Variants in HIVEP1 observed in about 807,000 individuals in gnomAD.
HIVEP1 encodes the protein zinc finger protein 40.
A neutral mutation model predicts 180.0 loss-of-function variants in HIVEP1; 36 were observed. The observed-to-expected ratio is 0.20, with a 90% CI of 0.15 to 0.26. HIVEP1 has a LOEUF of 0.26. HIVEP1 is among the 10% of genes least tolerant of loss of function. HIVEP1 has a pLI of 1.00. For missense variants in HIVEP1, 3,143 were observed against 3,268.7 expected (o/e 0.96, Z 0.94); for synonymous variants, 1,239 against 1,239.0 (o/e 1.00, Z 0.00).
chr6:12,170,415 G>A, the HIVEP1 span, among the ~76,000 whole-genome samples: 4 of 152,148 alleles, frequency 2.6e-5, no homozygotes, highest in Non-Finnish European at 4.4e-5. Context: ...AGGAGAATCC[G>A]TATTTATCCC....
At chr6:12,191,476 C>T in the HIVEP1 span, among the ~76,000 whole-genome samples, 1 of 152,106 alleles carries the variant, frequency 6.6e-6, no homozygotes, top group Non-Finnish European at 1.5e-5. Flanking sequence ...TGCCTGTAGT[C>T]CCAACTACTC....
At chr6:12,137,140 T>C (rs1038488465) in intron 7 of HIVEP1, among the ~76,000 whole-genome samples, 2 of 152,210 alleles carry the variant, frequency 1.3e-5, no homozygotes, top group African/African-American at 4.8e-5. Flanking sequence ...TACAGAGCAA[T>C]TCAGTTGTAA....
chr6:12,015,964 AAG>A (rs552559084), intron 2 of HIVEP1, among the ~76,000 whole-genome samples: 167 of 152,374 alleles, frequency 1.1e-3, no homozygotes, highest in African/African-American at 3.8e-3. Flanking sequence ...TATTTGGGTC[AAG>A]GAATCTGAAA....
rs753396402 is a variant in HIVEP1, at chr6:12,122,915, T to A, written c.3120T>A (p.Asp1040Glu). 6.2e-7 allele frequency: 1 copy of A among 1,614,000 alleles called. No homozygotes were observed. Among genetic ancestry groups the A allele is most frequent in the Non-Finnish European group, 8.5e-7 (1 of 1,179,992 alleles). The change falls in exon 4 of 9, where the codon GAT becomes GAA. Residue 1040 changes from aspartate to glutamate, a missense_variant. Around this residue, in one of 12 missense-constraint regions of HIVEP1, gnomAD observed 1,357 missense variants for 1,260.5 expected, o/e 1.08. Coordinates refer to ENST00000379388, the MANE Select transcript of HIVEP1 (RefSeq NM_002114.4). ...GGAAAATGAAAAGTGTTGGGGATGATGAAGAACTTCAGCAAAATGAAAGTG... is the reference window on the plus strand; with the variant it reads ...GGAAAATGAAAAGTGTTGGGGATGAAGAAGAACTTCAGCAAAATGAAAGTG... Reference protein sequence around the residue: ...KRRKMKSVGDDEELQQNESGT... With the variant: ...KRRKMKSVGDEEELQQNESGT...
At chr6:12,099,890 CATATT>C (rs1179489178) in intron 3 of HIVEP1, among the ~76,000 whole-genome samples, 1 of 152,122 alleles carries the variant, frequency 6.6e-6, no homozygotes, top group Admixed American at 6.5e-5. Context: ...TTTCTTTTGT[CATATT>C]AAATTATCTA....
intron 2 of HIVEP1, among the ~76,000 whole-genome samples, chr6:12,041,039 T>C (rs1769655401): frequency 6.6e-6 from 1 of 152,310 alleles, no homozygotes; most frequent in Middle Eastern, 3.4e-3. Flanking sequence ...GGGACAAATA[T>C]CCAAACTATC....
At chr6:12,175,746 C>A in the HIVEP1 span, among the ~76,000 whole-genome samples, 2 of 152,148 alleles carry the variant, frequency 1.3e-5, no homozygotes, top group African/African-American at 4.8e-5. Flanking sequence ...TCTAAAAGTT[C>A]GAAAATGTGG....
At chr6:12,020,326 C>G in intron 2 of HIVEP1, 1 of 471,140 alleles carries the variant, frequency 2.1e-6, no homozygotes, top group South Asian at 1.5e-5. Context: ...GAGAGCAGCA[C>G]TTGGTGTTCA....
chr6:12,101,476 AC>A (rs1774109416), intron 3 of HIVEP1, among the ~76,000 whole-genome samples: 1 of 152,168 alleles, frequency 6.6e-6, no homozygotes, highest in Non-Finnish European at 1.5e-5. Flanking sequence ...TAATGTTGCC[AC>A]ATCTCACTGG....
chr6:12,041,420 T>TAAA (rs34364704), intron 2 of HIVEP1, among the ~76,000 whole-genome samples: 36 of 52,146 alleles, frequency 6.9e-4, no homozygotes, highest in Middle Eastern at 0.014. Flanking sequence ...AGACTCCGTC[T>TAAA]AAAAAAAAAA....
At position 12,122,847 on chromosome 6, in the gene HIVEP1, T is replaced by C; in HGVS notation, c.3052T>C (p.Ser1018Pro). Residue 1018 changes from serine (S) to proline (P), a missense_variant, in exon 4 of 9, where the codon TCC becomes CCC. This residue lies in a region of HIVEP1 where 1,357 missense variants were observed against 1,260.5 expected (regional missense o/e 1.08). Coordinates refer to ENST00000379388, the MANE Select transcript of HIVEP1 (RefSeq NM_002114.4). ...PQILHYRVAG[S>P]SGIWEQTPQI... ...GATTCTACACTACAGAGTCGCTGGG[T>C]CCTCCGGCATCTGGGAACAGACGCC... is the stretch of plus-strand genomic sequence containing the variant. 1.2e-6 allele frequency: 2 copies of C among 1,613,990 alleles called. No homozygotes were observed. The highest frequency in any genetic ancestry group is 1.7e-6 in the Non-Finnish European group (2 of 1,179,976).
At chr6:12,173,037 C>T in the HIVEP1 span, among the ~76,000 whole-genome samples, 1 of 152,084 alleles carries the variant, frequency 6.6e-6, no homozygotes, top group Non-Finnish European at 1.5e-5. Flanking sequence ...AGTGAAGAAA[C>T]ATTTAACTTA....
intron 3 of HIVEP1, among the ~76,000 whole-genome samples, chr6:12,091,506 A>G (rs1044984421): frequency 6.6e-6 from 1 of 152,106 alleles, no homozygotes; most frequent in Non-Finnish European, 1.5e-5. Context: ...CTAGCATAGT[A>G]GTAGGCTCTT....
At chr6:12,102,635 C>T (rs182367972) in intron 3 of HIVEP1, among the ~76,000 whole-genome samples, 2 of 152,284 alleles carry the variant, frequency 1.3e-5, no homozygotes, top group Non-Finnish European at 1.5e-5. Context: ...AGATAAGTGC[C>T]TCTGGAAATG....
At chr6:12,136,596 A>C (rs770395869) in intron 7 of HIVEP1, among the ~76,000 whole-genome samples, 13 of 152,356 alleles carry the variant, frequency 8.5e-5, no homozygotes, top group Non-Finnish European at 1.5e-4. Flanking sequence ...TGTCATGAGC[A>C]GAGCCAGTGA....
chr6:12,106,963 A>C (rs2113427619), intron 3 of HIVEP1, among the ~76,000 whole-genome samples: 1 of 152,206 alleles, frequency 6.6e-6, no homozygotes. Flanking sequence ...TAACTTTCTA[A>C]ATATTTGGAG....
chr6:12,114,275 A>G (rs550686709), intron 3 of HIVEP1, among the ~76,000 whole-genome samples: 28 of 152,180 alleles, frequency 1.8e-4, no homozygotes, highest in Non-Finnish European at 3.4e-4. Flanking sequence ...TCCTAGTCCC[A>G]GTGACCACCA....
At chr6:12,059,555 C>T (rs1010125417) in intron 2 of HIVEP1, among the ~76,000 whole-genome samples, 1 of 152,164 alleles carries the variant, frequency 6.6e-6, no homozygotes, top group Non-Finnish European at 1.5e-5. Flanking sequence ...ATCTTGACTG[C>T]TTCTTCTGCC....
chr6:12,138,756 G>T (rs956406867), intron 7 of HIVEP1, among the ~76,000 whole-genome samples: 1 of 152,002 alleles, frequency 6.6e-6, no homozygotes, highest in South Asian at 2.1e-4. Context: ...CTCTGCTGGG[G>T]TGTCTAATTA....
Sources: allele counts gnomAD v4.1 joint callset (sites outside exome capture counted in the v4.1 genomes callset), GRCh38; gene constraint gnomAD v4.1.1; regional missense constraint gnomAD v4.1.1; transcripts MANE v1.5; gene names NCBI Gene and HGNC (gene_info 2026-07-23, HGNC 2026-07-21).